KBTBD11: variants seen among roughly 807,000 people sequenced by gnomAD.
KBTBD11 encodes kelch repeat and BTB domain-containing protein 11.
For synonymous variants in KBTBD11, 747 were observed against 499.0 expected, an observed-to-expected ratio of 1.50 and a Z score of -6.63; for missense variants, 1,390 against 1,001.8, an observed-to-expected ratio of 1.39 and a Z score of -5.23.
chr8:1,984,375 G>A (rs1227386724), intron 1 of KBTBD11, among the ~76,000 whole-genome samples: 1 of 140,692 alleles, frequency 7.1e-6, no homozygotes, highest in East Asian at 2.1e-4. Context: ...TGCAAGCTCT[G>A]CCTCCCGGGT....
At chr8:1,974,772 C>A (rs1816269989) in intron 1 of KBTBD11, 1 of 904,276 alleles carries the variant, frequency 1.1e-6, no homozygotes, top group Non-Finnish European at 1.3e-6. Context: ...CAAAGTCCCT[C>A]CACCTCTTTA....
intron 1 of KBTBD11, among the ~76,000 whole-genome samples, chr8:1,982,550 A>C (rs760085441): frequency 5.3e-5 from 8 of 152,170 alleles, no homozygotes; most frequent in Admixed American, 3.9e-4. Context: ...TTGAGAGTGA[A>C]GGGATGGGAA....
At chr8:1,982,484 A>G (rs1437466364) in intron 1 of KBTBD11, among the ~76,000 whole-genome samples, 1 of 142,680 alleles carries the variant, frequency 7.0e-6, no homozygotes, top group African/African-American at 2.5e-5. Flanking sequence ...AAAAACATAT[A>G]AGACCCCACT....
Position 2,002,364 on chromosome 8 carries a change from G to A in KBTBD11, c.1172G>A (p.Ser391Asn), listed in dbSNP as rs1817412332. The A allele has an allele frequency of 1.4e-6, 2 of 1,468,472 alleles. No homozygotes were observed. Among genetic ancestry groups the A allele is most frequent in the Non-Finnish European group, 1.8e-6 (2 of 1,115,262 alleles). The allele number at this position is 1,468,472 out of a possible 1,614,324, so 91.0% of individuals were successfully genotyped here. Residue 391 changes from serine (S) to asparagine (N), a missense_variant, in exon 2 of 2, where the codon AGC (serine) becomes AAC (asparagine). Transcript: ENST00000320248. This position sits in a 1 kb window ranked among gnomAD's most constrained non-coding sequence, Gnocchi z 4.1. ...TTCTGCTACAACCCGGCCACGGACA[G>A]CTGGAGCGCCGTGAGGCCCCTGCGC... is the stretch of plus-strand genomic sequence containing the variant. ...QVFCYNPATD[S>N]WSAVRPLRQA... is the part of the protein sequence containing the mutation.
In KBTBD11 at chr8:2,001,565, G is replaced by A; in HGVS notation, c.373G>A (p.Glu125Lys). Residue 125 changes from glutamate to lysine, a missense_variant, in exon 2 of 2, where the codon GAG becomes AAG. By Grantham distance (56) the Glu-to-Lys change is moderately conservative. Coordinates refer to ENST00000320248, the MANE Select transcript of KBTBD11 (RefSeq NM_014867.3). ...CCCCGCGTCCCCCGAGGAGCCCGGG[G>A]AGCCCGCGCCCGTACCCCCGGGGTT... ...EDPASPEEPGEPAPVPPGFGA... is the reference protein window; with the variant it reads ...EDPASPEEPGKPAPVPPGFGA... The A allele has an allele frequency of 1.4e-6, 2 of 1,441,982 alleles. No homozygotes were observed. The highest frequency in any genetic ancestry group is 1.8e-6 in the Non-Finnish European group (2 of 1,102,826). The allele number at this position is 1,441,982 out of a possible 1,614,324, so 89.3% of individuals were successfully genotyped here. A position where few individuals can be genotyped will look rare whatever the true frequency, so the allele number is the denominator to read the frequency against.
rs1338362211 is a variant in KBTBD11 at position 1,973,761 on chromosome 8, C to G, written c.-1083C>G. 1.0e-6 allele frequency: 1 copy of G among 983,714 alleles called. No individual in the cohort carries two copies. The highest frequency in any genetic ancestry group is 1.2e-6 in the Non-Finnish European group (1 of 829,370). The allele number at this position is 983,714 out of a possible 1,614,324, so 60.9% of individuals were successfully genotyped here. ...GAGGCGGAGAGGCCTGTCCACCGCC[C>G]CCTCTGCCGCCCACGCCCCGCTGCG... On this transcript the variant is annotated 5_prime_UTR_variant, in exon 1 of 2. Transcript: ENST00000320248.
Position 2,003,647 on chromosome 8 carries a change from A to T in KBTBD11, c.*583A>T, listed in dbSNP as rs1817483769. Reference sequence around the variant, plus strand: ...ATTAAAGGTAAAATCTTTGATTACCAGTAAGGTTTCTTGTTCAATATGCAT... The same window carrying T: ...ATTAAAGGTAAAATCTTTGATTACCTGTAAGGTTTCTTGTTCAATATGCAT... On this transcript the variant is annotated 3_prime_UTR_variant, in exon 2 of 2. Coordinates refer to ENST00000320248, the MANE Select transcript of KBTBD11 (RefSeq NM_014867.3). The T allele has an allele frequency of 6.0e-6, 1 of 167,088 alleles. No homozygotes were observed. Among genetic ancestry groups the T allele is most frequent in the Non-Finnish European group, 1.5e-5 (1 of 68,126 alleles). The allele number at this position is 167,088 out of a possible 1,614,324, so 10.4% of individuals were successfully genotyped here. A position where few individuals can be genotyped will look rare whatever the true frequency, so the allele number is the denominator to read the frequency against.
At chr8:1,983,851 T>G (rs567312504) in intron 1 of KBTBD11, among the ~76,000 whole-genome samples, 2 of 152,370 alleles carry the variant, frequency 1.3e-5, no homozygotes, top group African/African-American at 4.8e-5. Context: ...CACATGGGGC[T>G]GGGCGTGGTG....
chr8:1,991,245 C>T lies in KBTBD11; in HGVS notation c.-908-9040C>T, dbSNP rs562582257. The stretch of plus-strand genomic sequence containing the variant: ...CATGTGAGAAAGCTTGCTAGGGCAG[C>T]GGCTGCACCGTGCTCTTTATACACA... On this transcript the variant is annotated intron_variant, in intron 1 of 1. Coordinates refer to ENST00000320248, the MANE Select transcript of KBTBD11 (RefSeq NM_014867.3). 7.9e-5 allele frequency among the ~76,000 whole-genome samples: 12 copies of T among 152,332 alleles called. No homozygotes were observed. In the South Asian group the frequency reaches 1.0e-3, roughly 13 times the overall value.
In KBTBD11 at chr8:2,002,932, G is replaced by A; in HGVS notation, c.1740G>A (p.Glu580=). The stretch of plus-strand genomic sequence containing the variant: ...GCTTCCAGCCTGCCCGGGAAGGCGA[G>A]GCCGGCGGCGACGCAGGCCAGGGCG... ...TWRFQPAREG[E]AGGDAGQGGG... The change falls in exon 2 of 2, where the codon GAG becomes GAA. Residue 580 remains glutamate, a synonymous_variant. Coordinates refer to ENST00000320248, the MANE Select transcript of KBTBD11 (RefSeq NM_014867.3). This position sits in a 1 kb window ranked among gnomAD's most constrained non-coding sequence, Gnocchi z 4.1. 1 of 1,322,106 alleles carries A rather than the reference G, an allele frequency of 7.6e-7. No individual in the cohort carries two copies. Among genetic ancestry groups the A allele is most frequent in the South Asian group, 2.0e-5 (1 of 49,656 alleles). 81.9% of individuals were successfully genotyped at this position (1,322,106 alleles called of 1,614,324 possible).
chr8:1,981,213 G>A (rs981615747), intron 1 of KBTBD11, among the ~76,000 whole-genome samples: 7 of 152,114 alleles, frequency 4.6e-5, no homozygotes, highest in Admixed American at 6.5e-5. Context: ...GAAATGAAGG[G>A]GAGAGAAAGA....
chr8:1,990,170 G>C (rs1040671821), intron 1 of KBTBD11, among the ~76,000 whole-genome samples: 1 of 152,214 alleles, frequency 6.6e-6, no homozygotes, highest in African/African-American at 2.4e-5. Flanking sequence ...GGAAGATGCC[G>C]GGAGCCTGTC....
At chr8:1,990,169 C>T (rs943620506) in intron 1 of KBTBD11, among the ~76,000 whole-genome samples, 8 of 152,162 alleles carry the variant, frequency 5.3e-5, no homozygotes, top group African/African-American at 7.2e-5. Flanking sequence ...GGGAAGATGC[C>T]GGGAGCCTGT....
intron 1 of KBTBD11, among the ~76,000 whole-genome samples, chr8:1,993,043 G>A (rs1339766671): frequency 6.6e-6 from 1 of 152,068 alleles, no homozygotes; most frequent in African/African-American, 2.4e-5. Context: ...GGGCTCAAGT[G>A]ATCCTCTGAC....
Position 2,003,645 on chromosome 8 carries a change from C to T in KBTBD11, c.*581C>T, listed in dbSNP as rs1309161944. 6.0e-6 allele frequency: 1 copy of T among 166,950 alleles called. No homozygotes were observed. Among genetic ancestry groups the T allele is most frequent in the Non-Finnish European group, 1.5e-5 (1 of 68,110 alleles). 10.3% of individuals were successfully genotyped at this position (166,950 alleles called of 1,614,324 possible). ...GCATTAAAGGTAAAATCTTTGATTA[C>T]CAGTAAGGTTTCTTGTTCAATATGC... On this transcript the variant is annotated 3_prime_UTR_variant, in exon 2 of 2. Coordinates refer to ENST00000320248, the MANE Select transcript of KBTBD11 (RefSeq NM_014867.3).
chr8:2,006,570 A>G lies in KBTBD11; in HGVS notation c.*3506A>G, dbSNP rs993963421. ...TGGCCACATCATTTCCACGTTTTCC[A>G]CATCCGGGAGGAAGCCTGGACTGTG... On this transcript the variant is annotated 3_prime_UTR_variant, in exon 2 of 2. Coordinates refer to ENST00000320248, the MANE Select transcript of KBTBD11 (RefSeq NM_014867.3). 6.0e-6 allele frequency: 1 copy of G among 167,058 alleles called. No individual in the cohort carries two copies. The highest frequency in any genetic ancestry group is 1.5e-5 in the Non-Finnish European group (1 of 68,126). The allele number at this position is 167,058 out of a possible 1,614,324, so 10.3% of individuals were successfully genotyped here.
rs1285697957 is a variant in KBTBD11, at chr8:2,002,100, C to T, written c.908C>T (p.Pro303Leu). The T allele has an allele frequency of 2.0e-5, 22 of 1,091,298 alleles. No individual in the cohort carries two copies. The highest frequency in any genetic ancestry group is 5.1e-5 in the African/African-American group (3 of 59,090). The allele number at this position is 1,091,298 out of a possible 1,614,324, so 67.6% of individuals were successfully genotyped here. A position where few individuals can be genotyped will look rare whatever the true frequency, so the allele number is the denominator to read the frequency against. Reference protein sequence around the residue: ...RAHLLAAALGPAGERAGSRPQ... With the variant: ...RAHLLAAALGLAGERAGSRPQ... ...CACCTCTTGGCCGCGGCGCTCGGGC[C>T]GGCGGGGGAGCGCGCGGGCAGCCGG... Residue 303 changes from proline to leucine, a missense_variant, in exon 2 of 2, where the codon CCG becomes CTG. Transcript: ENST00000320248. This position sits in a 1 kb window ranked among gnomAD's most constrained non-coding sequence, Gnocchi z 4.1.
rs112894444 is a variant in KBTBD11, at chr8:1,998,607, G to T, written c.-908-1678G>T. Among the ~76,000 whole-genome samples, 896 of 152,278 alleles carry T rather than the reference G, an allele frequency of 5.9e-3. 14 individuals carry two copies. Among genetic ancestry groups the T allele is most frequent in the African/African-American group, 0.021 (866 of 41,554 alleles). ...AGGGAGCTCCGAGAGCCCTTTCTAG[G>T]CCAAGAAGAAAGTTTACTACACTGG... On this transcript the variant is annotated intron_variant, in intron 1 of 1. Transcript: ENST00000320248.
At position 2,003,035 on chromosome 8, in the gene KBTBD11, C is replaced by G; in HGVS notation, c.1843C>G (p.Pro615Ala). 1.6e-6 allele frequency: 2 copies of G among 1,274,676 alleles called. No homozygotes were observed. The highest frequency in any genetic ancestry group is 2.7e-5 in the South Asian group (1 of 37,244). 79.0% of individuals were successfully genotyped at this position (1,274,676 alleles called of 1,614,324 possible). Residue 615 changes from proline (P) to alanine (A), a missense_variant, in exon 2 of 2, where the codon CCG becomes GCG. Transcript: ENST00000320248. ...GTTCGCTCTCAGCCTGCCTGAGAAGCCGCCCCGAGGGGAGCAGGGCGCCCC... is the reference window on the plus strand; with the variant it reads ...GTTCGCTCTCAGCCTGCCTGAGAAGGCGCCCCGAGGGGAGCAGGGCGCCCC... ...IPFALSLPEK[P>A]PRGEQGAP
Sources: allele counts gnomAD v4.1 joint callset (sites outside exome capture counted in the v4.1 genomes callset), GRCh38; gene constraint gnomAD v4.1.1; non-coding constraint Gnocchi (gnomAD v3.1); transcripts MANE v1.5; gene names NCBI Gene and HGNC (gene_info 2026-07-23, HGNC 2026-07-21).